RTL1: variants seen among roughly 807,000 people sequenced by gnomAD.
RTL1 encodes the protein retrotransposon Gag like 1, also known as retrotransposon-like protein 1.
For missense variants in RTL1, 1,681 were observed against 1,767.5 expected (o/e 0.95, Z 0.88); for synonymous variants, 727 against 748.4 (o/e 0.97, Z 0.47).
rs41286562 is a variant in RTL1 at position 100,884,840 on chromosome 14, G to A, written c.-52C>T. ...TGAAGATTGGTAAGGTTGTGATGGC[G>A]TCCAGTCAGTAGCTGGGACCGTGGA... On this transcript the variant is annotated 5_prime_UTR_variant, in exon 4 of 4. It adds an upstream start codon to the 5' untranslated region. Transcript: ENST00000649591. 564 of 1,489,270 alleles carry A rather than the reference G, an allele frequency of 3.8e-4. No homozygotes were observed. Among genetic ancestry groups the A allele is most frequent in the Admixed American group, 5.1e-4 (23 of 45,332 alleles). 92.3% of individuals were successfully genotyped at this position (1,489,270 alleles called of 1,614,324 possible). A position where few individuals can be genotyped will look rare whatever the true frequency, so the allele number is the denominator to read the frequency against.
Position 100,881,370 on chromosome 14 carries a change from G to A in RTL1, c.3419C>T (p.Thr1140Ile). ...SSLIAGSSIT[T>I]AITQLLTQMP... Reference sequence around the variant, plus strand: ...CTGGGTGAGCAGCTGGGTGATGGCTGTCGTGATGCTGCTGCCTGCGATGAG... The same window carrying A: ...CTGGGTGAGCAGCTGGGTGATGGCTATCGTGATGCTGCTGCCTGCGATGAG... The change falls in exon 4 of 4, where the codon ACA (threonine) becomes ATA (isoleucine). Residue 1140 changes from threonine to isoleucine, a missense_variant. Thr to Ile is a moderately conservative substitution (Grantham distance 89). Coordinates refer to ENST00000649591, the MANE Select transcript of RTL1 (RefSeq NM_001134888.3). The surrounding 1 kb of genome is among the most constrained non-coding windows in gnomAD (Gnocchi z 6.6). 1 of 1,550,700 alleles carries A rather than the reference G, an allele frequency of 6.4e-7. No individual in the cohort carries two copies. Among genetic ancestry groups the A allele is most frequent in the Non-Finnish European group, 8.7e-7 (1 of 1,146,986 alleles).
rs199723831 is a variant in RTL1 at position 100,884,690 on chromosome 14, G to A, written c.99C>T (p.Thr33=). The A allele has an allele frequency of 2.1e-4, 340 of 1,613,602 alleles. No individual in the cohort carries two copies. Among genetic ancestry groups the A allele is most frequent in the Non-Finnish European group, 2.7e-4 (320 of 1,180,006 alleles). ...GCACTCCACTGCCCGACGTCGCCTC[G>A]GTGGTGTTGGATGAGCCCTCGGAGG... is the stretch of plus-strand genomic sequence containing the variant. ...MESSEGSSNT[T]EATSGSGVRG... is the part of the protein sequence containing the mutation. The change falls in exon 4 of 4, where the codon ACC becomes ACT. Residue 33 remains threonine, a synonymous_variant. Transcript: ENST00000649591.
chr14:100,898,242 G>A (rs2038896101), intron 2 of RTL1, among the ~76,000 whole-genome samples: 1 of 152,204 alleles, frequency 6.6e-6, no homozygotes, highest in African/African-American at 2.4e-5. Context: ...CAGTGAGGAA[G>A]CGTGTCACAA....
rs753079061 is a variant in RTL1 at position 100,881,000 on chromosome 14, G to A, written c.3789C>T (p.Asp1263=). ...QDTSQDKQDN[D]VQEAPPSHTA... ...TGTGGCTGGGTGGGGCCTCCTGCACGTCGTTGTCCTGCTTGTCCTGCGAGG... is the reference window on the plus strand; with the variant it reads ...TGTGGCTGGGTGGGGCCTCCTGCACATCGTTGTCCTGCTTGTCCTGCGAGG... The change falls in exon 4 of 4, where the codon GAC becomes GAT. Residue 1263 remains aspartate (D), a synonymous_variant. Coordinates refer to ENST00000649591, the MANE Select transcript of RTL1 (RefSeq NM_001134888.3). 3.6e-5 allele frequency: 56 copies of A among 1,570,148 alleles called. No homozygotes were observed. Among genetic ancestry groups the A allele is most frequent in the Admixed American group, 3.3e-4 (18 of 54,116 alleles).
chr14:100,882,531 A>G lies in RTL1; in HGVS notation c.2258T>C (p.Leu753Pro). Residue 753 changes from leucine to proline, a missense_variant, in exon 4 of 4, where the codon CTG (leucine) becomes CCG (proline). By Grantham distance (98) the Leu-to-Pro change is moderately conservative. Coordinates refer to ENST00000649591, the MANE Select transcript of RTL1 (RefSeq NM_001134888.3). ...GACGTTGTGATGGCGGAAGCGGACC[A>G]GGACTTGGCGGACGTGGTGGAGGTG... ...EEHLHHVRQV[L>P]VRFRHHNVYC... is the part of the protein sequence containing the mutation. The G allele has an allele frequency of 6.4e-7, 1 of 1,551,906 alleles. No homozygotes were observed.
intron 3 of RTL1, among the ~76,000 whole-genome samples, chr14:100,890,168 C>G (rs527250999): frequency 3.3e-5 from 5 of 152,076 alleles, no homozygotes; most frequent in Admixed American, 6.5e-5. Flanking sequence ...CCTCTTCCCC[C>G]CAACACTCAA....
At position 100,882,432 on chromosome 14, in the gene RTL1, C is replaced by G. The variant is rs1474948486; in HGVS notation, c.2357G>C (p.Gly786Ala). ...EFLGFVVTPK[G>A]VKLNKNVMTI... ...CATGACGTTCTTGTTCAGTTTCACC[C>G]CTTTGGGGGTGACGACGAAGCCCAG... The change falls in exon 4 of 4, where the codon GGG (glycine) becomes GCG (alanine). Residue 786 changes from glycine to alanine, a missense_variant. Coordinates refer to ENST00000649591, the MANE Select transcript of RTL1 (RefSeq NM_001134888.3). 1 of 1,552,016 alleles carries G rather than the reference C, an allele frequency of 6.4e-7. No homozygotes were observed. The highest frequency in any genetic ancestry group is 1.2e-5 in the South Asian group (1 of 84,056).
Position 100,903,712 on chromosome 14 carries a change from T to TG in RTL1, c.-353dup, listed in dbSNP as rs541502487. On this transcript the variant is annotated 5_prime_UTR_variant, in exon 1 of 4. Coordinates refer to ENST00000649591, the MANE Select transcript of RTL1 (RefSeq NM_001134888.3). ...TGCTCAGCGAGGCTGTGCCGAGTGC[T>TG]GGGGGGGTGTGGGTGGGCAGGGGAC... 4.6e-5 allele frequency among the ~76,000 whole-genome samples: 7 copies of TG among 152,000 alleles called. No homozygotes were observed. The highest frequency in any genetic ancestry group is 7.4e-5 in the Non-Finnish European group (5 of 67,972).
At chr14:100,898,270 T>C (rs1385564793) in intron 2 of RTL1, among the ~76,000 whole-genome samples, 1 of 152,176 alleles carries the variant, frequency 6.6e-6, no homozygotes, top group Non-Finnish European at 1.5e-5. Context: ...TTTTAATTAA[T>C]ACGATTCTGC....
chr14:100,902,054 G>A (rs2038949191), intron 2 of RTL1, among the ~76,000 whole-genome samples: 2 of 152,190 alleles, frequency 1.3e-5, no homozygotes, highest in African/African-American at 4.8e-5. Flanking sequence ...AGGAAACCGT[G>A]CTGCAGCCTT....
In RTL1 at chr14:100,879,993, G is replaced by T. The variant is rs1429671279; in HGVS notation, c.*719C>A. Among the ~76,000 whole-genome samples the T allele has an allele frequency of 6.6e-6, 1 of 151,952 alleles. No homozygotes were observed. Among genetic ancestry groups the T allele is most frequent in the East Asian group, 1.9e-4 (1 of 5,158 alleles). ...AGGGAAAGGCGCCCCAAGGCATGCA[G>T]GGGCCCTCTTTGCTGTGCAAGTCTG... On this transcript the variant is annotated 3_prime_UTR_variant, in exon 4 of 4. Coordinates refer to ENST00000649591, the MANE Select transcript of RTL1 (RefSeq NM_001134888.3).
chr14:100,901,655 C>CT, intron 2 of RTL1, among the ~76,000 whole-genome samples: 1 of 152,378 alleles, frequency 6.6e-6, no homozygotes, highest in Admixed American at 6.5e-5. Flanking sequence ...TCCACTCACT[C>CT]TGCCAGCCTG....
chr14:100,889,031 A>G (rs894625109), intron 3 of RTL1, among the ~76,000 whole-genome samples: 2 of 152,210 alleles, frequency 1.3e-5, no homozygotes, highest in East Asian at 1.9e-4. Context: ...AATATATTTT[A>G]TCATGTTTTT....
chr14:100,891,560 C>T (rs1434914157), intron 3 of RTL1, among the ~76,000 whole-genome samples: 1 of 152,198 alleles, frequency 6.6e-6, no homozygotes, highest in Non-Finnish European at 1.5e-5. Context: ...CTGCTGTGTC[C>T]CTGCCCCCTC....
rs200140940 is a variant in RTL1, at chr14:100,881,265, C to T, written c.3524G>A (p.Arg1175Gln). ...ELFLGPGRWQRNALHSQAHRG... is the reference protein window; with the variant it reads ...ELFLGPGRWQQNALHSQAHRG... ...GTGGGCCTGGGAGTGCAGAGCATTTCGCTGCCAGCGGCCAGGGCCCAGGAA... is the reference window on the plus strand; with the variant it reads ...GTGGGCCTGGGAGTGCAGAGCATTTTGCTGCCAGCGGCCAGGGCCCAGGAA... Residue 1175 changes from arginine (R) to glutamine (Q), a missense_variant, in exon 4 of 4, where the codon CGA (arginine) becomes CAA (glutamine). By Grantham distance (43) the Arg-to-Gln change is conservative (BLOSUM62 1). Coordinates refer to ENST00000649591, the MANE Select transcript of RTL1 (RefSeq NM_001134888.3). The surrounding 1 kb of genome is among the most constrained non-coding windows in gnomAD (Gnocchi z 6.6). 2.8e-5 allele frequency: 43 copies of T among 1,550,014 alleles called. No individual in the cohort carries two copies. The highest frequency in any genetic ancestry group is 1.7e-4 in the Middle Eastern group (1 of 5,986).
chr14:100,883,714 C>T lies in RTL1; in HGVS notation c.1075G>A (p.Glu359Lys), dbSNP rs1225806784. Residue 359 changes from glutamate to lysine, a missense_variant, in exon 4 of 4, where the codon GAG becomes AAG. Transcript: ENST00000649591. The surrounding 1 kb of genome is among the most constrained non-coding windows in gnomAD (Gnocchi z 5.9). ...ATAGCTCTTCTCTCTGCCAGCTTCT[C>T]TTCTATTTGCAGGATGAGCACAATC... Reference protein sequence around the residue: ...SLIVLILQIEEKLAERRAMLR... With the variant: ...SLIVLILQIEKKLAERRAMLR... 1.3e-6 allele frequency: 2 copies of T among 1,551,610 alleles called. No individual in the cohort carries two copies. Among genetic ancestry groups the T allele is most frequent in the Admixed American group, 3.9e-5 (2 of 51,008 alleles).
At chr14:100,885,931 G>T (rs1595337244) in intron 3 of RTL1, among the ~76,000 whole-genome samples, 1 of 152,192 alleles carries the variant, frequency 6.6e-6, no homozygotes, top group East Asian at 1.9e-4. Context: ...ATCTGGCAGA[G>T]TTGGGACATT....
At chr14:100,895,675 C>T (rs1240423026) in intron 2 of RTL1, among the ~76,000 whole-genome samples, 5 of 152,106 alleles carry the variant, frequency 3.3e-5, no homozygotes, top group Non-Finnish European at 5.9e-5. Flanking sequence ...TGGGTTTATG[C>T]GGACTTTGAG....
rs1288248204 is a variant in RTL1 at position 100,881,416 on chromosome 14, G to A, written c.3373C>T (p.Arg1125Ter). 6 of 1,550,880 alleles carry A rather than the reference G, an allele frequency of 3.9e-6. No individual in the cohort carries two copies. The highest frequency in any genetic ancestry group is 1.2e-5 in the South Asian group (1 of 84,060). Residue 1125 changes from arginine to a stop codon, truncating the protein, a stop_gained, in exon 4 of 4, where the codon CGA becomes TGA. Coordinates refer to ENST00000649591, the MANE Select transcript of RTL1 (RefSeq NM_001134888.3). LOFTEE classifies it low-confidence loss of function (END_TRUNC). This position sits in a 1 kb window ranked among gnomAD's most constrained non-coding sequence, Gnocchi z 6.6. ...VARPQPQRSL[R>*]LILDSSLIAG... ...ATGAGGGACGAATCCAGGATGAGTC[G>A]TAGGGAGCGCTGGGGCTGGGGCCGA...
Sources: gnomAD v4.1 joint callset for allele counts (sites outside exome capture counted in the v4.1 genomes callset) on GRCh38, gnomAD v4.1.1 for gene constraint, Gnocchi (gnomAD v3.1) non-coding constraint, MANE v1.5 for transcripts, NCBI Gene and HGNC (gene_info 2026-07-23, HGNC 2026-07-21) for gene names.